Variants in PDE6A observed in about 807,000 individuals in gnomAD.
PDE6A encodes phosphodiesterase 6A.
Under a neutral mutation model 106.3 loss-of-function variants are expected in PDE6A, and 84 were observed. The observed-to-expected ratio is 0.79, with a 90% CI of 0.66 to 0.95. PDE6A has a LOEUF of 0.95. PDE6A is among the 40% of genes least tolerant of loss of function. The pLI, the probability that PDE6A is intolerant of heterozygous loss-of-function variation, is 0.00. For synonymous variants in PDE6A, 394 were observed against 386.6 expected (o/e 1.02, Z -0.23); for missense variants, 1,052 against 1,084.9 (o/e 0.97, Z 0.43).
intron 17 of PDE6A, among the ~76,000 whole-genome samples, chr5:149,873,729 G>C (rs1318617937): frequency 6.6e-6 from 1 of 152,114 alleles, no homozygotes; most frequent in African/African-American, 2.4e-5. Context: ...AGTGCTAGAG[G>C]ATCTGTGAGC....
chr5:149,888,947 G>A (rs1314373544), intron 13 of PDE6A, among the ~76,000 whole-genome samples: 2 of 151,816 alleles, frequency 1.3e-5, no homozygotes, highest in Non-Finnish European at 2.9e-5. Flanking sequence ...GCCAGGCATG[G>A]TGGCGGGCGC....
intron 6 of PDE6A, among the ~76,000 whole-genome samples, chr5:149,907,963 C>T (rs549145426): frequency 3.5e-4 from 53 of 152,188 alleles, no homozygotes; most frequent in Non-Finnish European, 6.0e-4. Context: ...ATTGACTTTC[C>T]CCCGCAATCA....
intron 21 of PDE6A, among the ~76,000 whole-genome samples, chr5:149,861,485 C>CA (rs1324756007): frequency 6.6e-6 from 1 of 152,018 alleles, no homozygotes; most frequent in Non-Finnish European, 1.5e-5. Context: ...CTGGTTTCTA[C>CA]AAAAAAATAC....
intron 16 of PDE6A, 143 bp from the exon 17 acceptor site, chr5:149,883,679 T>C: frequency 1.4e-6 from 1 of 703,094 alleles, no homozygotes; most frequent in South Asian, 1.5e-5. Context: ...GGCCCAGGAG[T>C]GAAGACCTAG....
At chr5:149,868,222 C>A in intron 17 of PDE6A, 64 bp from the exon 18 acceptor site, 1 of 1,486,128 alleles carries the variant, frequency 6.7e-7, no homozygotes, top group Non-Finnish European at 9.4e-7. Context: ...CTGGTTAATT[C>A]CATCTCTCTC....
chr5:149,914,910 T>A, intron 6 of PDE6A, 33 bp downstream of exon 6: 3 of 1,447,416 alleles, frequency 2.1e-6, no homozygotes, highest in Non-Finnish European at 2.9e-6. Flanking sequence ...AGCTAATTTG[T>A]TGTCATTTTG....
chr5:149,904,142 G>A (rs187297456), intron 7 of PDE6A, among the ~76,000 whole-genome samples: 2 of 152,314 alleles, frequency 1.3e-5, no homozygotes, highest in East Asian at 3.9e-4. Context: ...AGCTACTCTG[G>A]AGGTTGAGGT....
intron 6 of PDE6A, among the ~76,000 whole-genome samples, chr5:149,909,852 G>A (rs1435624481): frequency 6.6e-6 from 1 of 151,968 alleles, no homozygotes; most frequent in African/African-American, 2.4e-5. Flanking sequence ...GTTTCAGAAG[G>A]GTATTTCTTA....
rs753303277 is a variant in PDE6A at position 149,884,541 on chromosome 5, A to C, written c.1965T>G (p.His655Gln). 18 of 1,613,854 alleles carry C rather than the reference A, an allele frequency of 1.1e-5. No individual in the cohort carries two copies. The highest frequency in any genetic ancestry group is 1.4e-5 in the Non-Finnish European group (17 of 1,179,914). ...TGTCCATCATGTGGATGGCATGCTC[A>C]TGCTGTCGACGATTGAGGTTTTGAA... ...NIFQNLNRRQ[H>Q]EHAIHMMDIA... The change falls in exon 16 of 22, where the codon CAT (histidine) becomes CAG (glutamine). Residue 655 changes from histidine to glutamine, a missense_variant. Physicochemically the swap from His to Gln is conservative, Grantham distance 24 (BLOSUM62 0). Coordinates refer to ENST00000255266, the MANE Select transcript of PDE6A (RefSeq NM_000440.3).
intron 6 of PDE6A, among the ~76,000 whole-genome samples, chr5:149,909,480 A>T (rs1365718862): frequency 2.0e-5 from 3 of 152,164 alleles, no homozygotes; most frequent in Non-Finnish European, 4.4e-5. Flanking sequence ...TGGGGCCAGA[A>T]GTGGTAGTAG....
rs945196543 is a variant in PDE6A at position 149,883,375 on chromosome 5, C to T, written c.2135+54G>A. The T allele has an allele frequency of 7.6e-6, 9 of 1,177,128 alleles. No homozygotes were observed. In the East Asian group the frequency reaches 1.6e-4, roughly 21 times the overall value. The allele number at this position is 1,177,128 out of a possible 1,614,324, so 72.9% of individuals were successfully genotyped here. A position where few individuals can be genotyped will look rare whatever the true frequency, so the allele number is the denominator to read the frequency against. ...GGCAGCAAGAGCTGTCAGTGCATCT[C>T]GCCTCATGATCCTAAGCCTAAGAGG... On this transcript the variant is annotated intron_variant, in intron 17 of 21. Transcript: ENST00000255266.
intron 21 of PDE6A, among the ~76,000 whole-genome samples, chr5:149,862,219 T>C (rs1760170469): frequency 6.6e-6 from 1 of 152,144 alleles, no homozygotes; most frequent in South Asian, 2.1e-4. Flanking sequence ...GGAGGGGCAG[T>C]GCTGTCAGTA....
chr5:149,890,306 T>C (rs918545963), intron 13 of PDE6A, among the ~76,000 whole-genome samples: 1 of 152,304 alleles, frequency 6.6e-6, no homozygotes. Flanking sequence ...AAATTAACTT[T>C]GGAATTTTTC....
At chr5:149,939,041 C>T (rs552552220) in intron 1 of PDE6A, among the ~76,000 whole-genome samples, 16 of 152,282 alleles carry the variant, frequency 1.1e-4, no homozygotes, top group East Asian at 5.8e-4. Flanking sequence ...TGTTTGGTGG[C>T]GAAGGTTGCA....
chr5:149,913,561 A>C lies in PDE6A; in HGVS notation c.998+1382T>G, dbSNP rs374521540. 8.5e-5 allele frequency among the ~76,000 whole-genome samples: 13 copies of C among 152,174 alleles called. No homozygotes were observed. In the South Asian group the frequency reaches 2.5e-3, roughly 29 times the overall value. ...GGGATTACTACAGTTTGGTCTGGTG[A>C]CCAAACTGAATCAGCATGGCCTATC... On this transcript the variant is annotated intron_variant, in intron 6 of 21. Coordinates refer to ENST00000255266, the MANE Select transcript of PDE6A (RefSeq NM_000440.3).
chr5:149,888,629 G>T (rs913587309), intron 13 of PDE6A, among the ~76,000 whole-genome samples: 1 of 151,564 alleles, frequency 6.6e-6, no homozygotes, highest in African/African-American at 2.4e-5. Context: ...TTTGTTAAGG[G>T]TGAAAAGAGA....
intron 4 of PDE6A, among the ~76,000 whole-genome samples, chr5:149,930,413 ACT>A (rs1475537156): frequency 2.0e-5 from 3 of 152,162 alleles, no homozygotes; most frequent in African/African-American, 7.2e-5. Context: ...TAACTCTGAA[ACT>A]CTGTTTCAAG....
Position 149,886,213 on chromosome 5 carries a change from G to C in PDE6A, c.1838+52C>G. On this transcript the variant is annotated intron_variant, in intron 14 of 21. Coordinates refer to ENST00000255266, the MANE Select transcript of PDE6A (RefSeq NM_000440.3). ...AGTGAGTCTGCCTGGGAGCCACACA[G>C]AGCTGGATAATGAATCCGGAGGGTT... The C allele has an allele frequency of 5.3e-6, 7 of 1,330,268 alleles. No homozygotes were observed. The South Asian group carries it at 8.2e-5, about 16-fold the overall frequency. The allele number at this position is 1,330,268 out of a possible 1,614,324, so 82.4% of individuals were successfully genotyped here.
chr5:149,869,548 G>A (rs952998575), intron 17 of PDE6A, among the ~76,000 whole-genome samples: 1 of 152,302 alleles, frequency 6.6e-6, no homozygotes, highest in South Asian at 2.1e-4. Flanking sequence ...AAACATTTTA[G>A]AGCAGGTAAT....
Sources: gnomAD v4.1 joint callset for allele counts (sites outside exome capture counted in the v4.1 genomes callset) on GRCh38, gnomAD v4.1.1 for gene constraint, MANE v1.5 for transcripts, NCBI Gene and HGNC (gene_info 2026-07-23, HGNC 2026-07-21) for gene names.